The following MTHFD1L variants were observed in gnomAD, a reference collection of about 807,000 sequenced individuals.
The protein encoded by MTHFD1L is methylenetetrahydrofolate dehydrogenase (NADP+ dependent) 1 like.
A neutral mutation model predicts 119.5 loss-of-function variants in MTHFD1L; 81 were observed. That is an observed-to-expected ratio of 0.68 (90% CI 0.57 to 0.82). MTHFD1L has a LOEUF of 0.82. Ranked by LOEUF, MTHFD1L falls within the 40% of genes least tolerant of loss-of-function variation. The probability of loss-of-function intolerance (pLI) is 0.00; values close to 1 mark genes in which losing one functional copy is unlikely to be tolerated. For missense variants in MTHFD1L, 1,125 were observed against 1,253.4 expected (o/e 0.90, Z 1.55); for synonymous variants, 430 against 475.2 (o/e 0.90, Z 1.24).
At chr6:150,886,826 C>T (rs765296233) in intron 6 of MTHFD1L, among the ~76,000 whole-genome samples, 1 of 150,876 alleles carries the variant, frequency 6.6e-6, no homozygotes, top group African/African-American at 2.4e-5. Flanking sequence ...CCATCTCTAC[C>T]AAAAAAAATT....
At chr6:150,904,404 A>G (rs1785551835) in intron 7 of MTHFD1L, among the ~76,000 whole-genome samples, 2 of 152,162 alleles carry the variant, frequency 1.3e-5, no homozygotes, top group Admixed American at 1.3e-4. Context: ...GTTCACTAGA[A>G]TCTCTAAGAC....
At chr6:150,893,860 T>C (rs1295328788) in intron 7 of MTHFD1L, among the ~76,000 whole-genome samples, 1 of 152,240 alleles carries the variant, frequency 6.6e-6, no homozygotes, top group Non-Finnish European at 1.5e-5. Context: ...GGCTCAAGCC[T>C]TAGCTGTTGC....
At chr6:150,917,354 G>A (rs922802951) in intron 8 of MTHFD1L, among the ~76,000 whole-genome samples, 2 of 151,906 alleles carry the variant, frequency 1.3e-5, no homozygotes, top group African/African-American at 4.8e-5. Flanking sequence ...GAAACCCTGT[G>A]TCTACTAAAA....
intron 7 of MTHFD1L, among the ~76,000 whole-genome samples, chr6:150,889,672 T>G (rs555757076): frequency 1.3e-5 from 2 of 152,336 alleles, no homozygotes; most frequent in African/African-American, 4.8e-5. Flanking sequence ...AAAAGCTGTC[T>G]GGTTTCCTGC....
intron 8 of MTHFD1L, among the ~76,000 whole-genome samples, chr6:150,910,350 G>A (rs1026716955): frequency 4.6e-5 from 7 of 150,682 alleles, no homozygotes; most frequent in African/African-American, 7.3e-5. Context: ...GATCACCTGC[G>A]GTGGGGAGTT....
chr6:151,032,970 T>C lies in MTHFD1L; in HGVS notation c.2587-1523T>C, dbSNP rs551691527. On this transcript the variant is annotated intron_variant, in intron 24 of 27. Coordinates refer to ENST00000367321, the MANE Select transcript of MTHFD1L (RefSeq NM_015440.5). Reference sequence around the variant, plus strand: ...TAACTCTTGTATCAATAGTATTTCATACAAATGTGACACTAGCTGTTGCCA... The same window carrying C: ...TAACTCTTGTATCAATAGTATTTCACACAAATGTGACACTAGCTGTTGCCA... Among the ~76,000 whole-genome samples, 13 of 152,278 alleles carry C rather than the reference T, an allele frequency of 8.5e-5. No individual in the cohort carries two copies. In the South Asian group the frequency reaches 2.7e-3, roughly 32 times the overall value.
At chr6:151,012,019 C>CAAAAAAAAAA (rs1043831602) in intron 21 of MTHFD1L, among the ~76,000 whole-genome samples, 12 of 58,808 alleles carry the variant, frequency 2.0e-4, no homozygotes, top group Admixed American at 4.7e-4. Flanking sequence ...ACAACAACAA[C>CAAAAAAAAAA]AAAAAAAAAA....
chr6:150,895,503 C>T (rs994214564), intron 7 of MTHFD1L, among the ~76,000 whole-genome samples: 2 of 151,974 alleles, frequency 1.3e-5, no homozygotes, highest in African/African-American at 4.8e-5. Context: ...CAGAGGATCT[C>T]ATTTCTCCCT....
intron 25 of MTHFD1L, among the ~76,000 whole-genome samples, chr6:151,036,726 A>G (rs375522033): frequency 6.6e-6 from 1 of 152,204 alleles, no homozygotes; most frequent in Admixed American, 6.5e-5. Context: ...CTTCTCTTAA[A>G]GAGAGCCTCC....
At position 150,879,280 on chromosome 6, in the gene MTHFD1L, A is replaced by G. The variant is rs533910993; in HGVS notation, c.417+1454A>G. ...CATTTGCACGATACCCACTGTCTGC[A>G]GCAGAATTTGCTTTTCTTTCTTTTT... On this transcript the variant is annotated intron_variant, in intron 4 of 27. Coordinates refer to ENST00000367321, the MANE Select transcript of MTHFD1L (RefSeq NM_015440.5). Among the ~76,000 whole-genome samples the G allele has an allele frequency of 2.6e-5, 4 of 152,254 alleles. No individual in the cohort carries two copies. The East Asian group carries it at 5.8e-4, about 22-fold the overall frequency.
At chr6:150,998,117 A>G (rs547602276) in intron 20 of MTHFD1L, among the ~76,000 whole-genome samples, 14 of 151,428 alleles carry the variant, frequency 9.2e-5, no homozygotes, top group Admixed American at 4.0e-4. Flanking sequence ...TTCACTTACT[A>G]TATATGATGT....
At chr6:150,966,057 C>A (rs569530343) in intron 19 of MTHFD1L, among the ~76,000 whole-genome samples, 1 of 152,302 alleles carries the variant, frequency 6.6e-6, no homozygotes, top group Admixed American at 6.5e-5. Context: ...AGAGGGTTAC[C>A]TTTAGTGCAG....
intron 26 of MTHFD1L, among the ~76,000 whole-genome samples, chr6:151,066,372 G>A (rs1049218702): frequency 7.1e-6 from 1 of 141,464 alleles, no homozygotes; most frequent in African/African-American, 2.6e-5. Context: ...AGGAGGCAGA[G>A]CTTGCAAGTG....
intron 26 of MTHFD1L, among the ~76,000 whole-genome samples, chr6:151,070,782 G>A (rs1562626772): frequency 6.6e-6 from 1 of 152,220 alleles, no homozygotes; most frequent in Non-Finnish European, 1.5e-5. Context: ...AGAGTTTTGT[G>A]TAATGTTTGG....
At chr6:150,958,194 G>T (rs1167776084) in intron 17 of MTHFD1L, among the ~76,000 whole-genome samples, 1 of 152,140 alleles carries the variant, frequency 6.6e-6, no homozygotes. Flanking sequence ...GTATTTAAGA[G>T]CTTTAACTGC....
chr6:150,926,139 G>A lies in MTHFD1L; in HGVS notation c.1100G>A (p.Arg367Lys). 3 of 1,613,400 alleles carry A rather than the reference G, an allele frequency of 1.9e-6. No homozygotes were observed. The highest frequency in any genetic ancestry group is 2.5e-6 in the Non-Finnish European group (3 of 1,179,552). Residue 367 changes from arginine (R) to lysine (K), a missense_variant, in exon 11 of 28, where the codon AGA (arginine) becomes AAA (lysine). Physicochemically the swap from Arg to Lys is conservative, Grantham distance 26 (BLOSUM62 2). Around this residue, in one of 3 missense-constraint regions of MTHFD1L, gnomAD observed 1,058 missense variants for 1,151.2 expected, o/e 0.92. Coordinates refer to ENST00000367321, the MANE Select transcript of MTHFD1L (RefSeq NM_015440.5). This position sits in a 1 kb window ranked among gnomAD's most constrained non-coding sequence, Gnocchi z 4.3. ...SPVPSDIEIS[R>K]GQTPKAVDVL... ...CCCCTCAGTGACATTGAGATTTCAA[G>A]AGGACAAACTCCAAAAGCTGTGGAT...
chr6:151,018,403 C>T (rs186024324), intron 24 of MTHFD1L, among the ~76,000 whole-genome samples: 59 of 152,274 alleles, frequency 3.9e-4, no homozygotes, highest in African/African-American at 1.2e-3. Flanking sequence ...CCACAGCTCT[C>T]GCTTTTAAGG....
chr6:150,983,870 G>A (rs1174089413), intron 20 of MTHFD1L, among the ~76,000 whole-genome samples: 7 of 152,080 alleles, frequency 4.6e-5, no homozygotes, highest in East Asian at 1.9e-4. Flanking sequence ...TCCTGGGCTC[G>A]AGCGATCCTC....
At chr6:151,000,257 A>G (rs138175428) in intron 20 of MTHFD1L, among the ~76,000 whole-genome samples, 1,887 of 152,050 alleles carry the variant, frequency 0.012, 19 homozygotes, top group South Asian at 0.038. Flanking sequence ...GAATTGCTTG[A>G]ACCAGGGAGG....
Sources: allele counts gnomAD v4.1 joint callset (sites outside exome capture counted in the v4.1 genomes callset), GRCh38; gene constraint gnomAD v4.1.1; regional missense constraint gnomAD v4.1.1; non-coding constraint Gnocchi (gnomAD v3.1); transcripts MANE v1.5; gene names NCBI Gene and HGNC (gene_info 2026-07-23, HGNC 2026-07-21).